ATG16L1: variants seen among roughly 807,000 people sequenced by gnomAD.
ATG16L1 encodes the protein autophagy related 16 like 1, also known as autophagy-related protein 16-1.
In ATG16L1, 37 loss-of-function variants were observed where a neutral mutation model predicts 88.5. The ratio of observed to expected loss-of-function variants is 0.42; its 90% CI spans 0.32 to 0.55. The LOEUF (loss-of-function observed/expected upper bound fraction) is 0.55. ATG16L1 is among the 20% of genes least tolerant of loss of function. The pLI is 0.13. For missense variants in ATG16L1, 554 were observed against 752.8 expected, an observed-to-expected ratio of 0.74 and a Z score of 3.09; for synonymous variants, 301 against 281.0, an observed-to-expected ratio of 1.07 and a Z score of -0.71.
At chr2:233,263,891 C>T (rs1304206476) in intron 3 of ATG16L1, 101 bp from the exon 4 acceptor site, 63 of 1,156,388 alleles carry the variant, frequency 5.4e-5, no homozygotes, top group Admixed American at 1.9e-5. Context: ...TGTCACCCAG[C>T]TCATTTATTC....
In ATG16L1 at chr2:233,256,117, A is replaced by G. The variant is rs776024119; in HGVS notation, c.131A>G (p.Glu44Gly). ...EIILQYNKLL[E>G]KSDLHSVLAQ... ...ATTTTAATAGATAACAAATTGCTGG[A>G]AAAGTCAGATCTTCATTCAGTGTTG... Residue 44 changes from glutamate to glycine, a missense_variant, in exon 2 of 18, where the codon GAA becomes GGA. Coordinates refer to ENST00000392017, the MANE Select transcript of ATG16L1 (RefSeq NM_030803.7). The G allele has an allele frequency of 6.2e-7, 1 of 1,613,880 alleles. No homozygotes were observed. The highest frequency in any genetic ancestry group is 8.5e-7 in the Non-Finnish European group (1 of 1,179,890).
chr2:233,272,667 CAA>C (rs1376840007), intron 6 of ATG16L1, among the ~76,000 whole-genome samples: 1 of 152,188 alleles, frequency 6.6e-6, no homozygotes, highest in Non-Finnish European at 1.5e-5. Context: ...GTTATAGACT[CAA>C]CAGATCATAT....
intron 7 of ATG16L1, chr2:233,273,488 A>G (rs1698128973): frequency 1.8e-6 from 1 of 542,802 alleles, no homozygotes; most frequent in Non-Finnish European, 3.2e-6. Flanking sequence ...TTTCCAGGGA[A>G]ATTAATTTAA....
intron 5 of ATG16L1, among the ~76,000 whole-genome samples, chr2:233,268,774 T>G (rs763110864): frequency 2.0e-5 from 3 of 152,212 alleles, no homozygotes; most frequent in Non-Finnish European, 1.5e-5. Context: ...CTTCCAGGTA[T>G]AAAATCAAGA....
Position 233,270,082 on chromosome 2 carries a change from A to G in ATG16L1, c.707+15A>G. 2 of 1,565,490 alleles carry G rather than the reference A, an allele frequency of 1.3e-6. No homozygotes were observed. The highest frequency in any genetic ancestry group is 1.2e-5 in the South Asian group (1 of 81,772). On this transcript the variant is annotated intron_variant, in intron 6 of 17. Transcript: ENST00000392017. ...CCAGTCGAACAGTAAGTAAAGATAA[A>G]TGAATCAAAACTGTGTTTCTGAAAA...
chr2:233,280,038 A>C (rs1448126496), intron 10 of ATG16L1, among the ~76,000 whole-genome samples: 1 of 152,226 alleles, frequency 6.6e-6, no homozygotes, highest in Non-Finnish European at 1.5e-5. Flanking sequence ...GAAAGCTAGG[A>C]TCCAGAAAAA....
intron 12 of ATG16L1, among the ~76,000 whole-genome samples, chr2:233,284,540 A>G (rs7595748): frequency 0.7 from 106,268 of 151,904 alleles, 37,443 homozygotes; most frequent in South Asian, 0.8. Flanking sequence ...CACCATGTTA[A>G]CCAGGACGTT....
At chr2:233,255,414 T>G (rs1487950801) in intron 1 of ATG16L1, among the ~76,000 whole-genome samples, 1 of 152,236 alleles carries the variant, frequency 6.6e-6, no homozygotes. Flanking sequence ...CACGTTAGCA[T>G]CCTCCGCCCA....
At chr2:233,270,183 C>A in intron 6 of ATG16L1, 116 bp downstream of exon 6, 2 of 911,522 alleles carry the variant, frequency 2.2e-6, no homozygotes, top group Non-Finnish European at 3.2e-6. Context: ...TGCTCTGTTG[C>A]CCAGGCTGGA....
At chr2:233,265,246 C>G in intron 5 of ATG16L1, 103 bp downstream of exon 5, 1 of 1,403,774 alleles carries the variant, frequency 7.1e-7, no homozygotes, top group South Asian at 1.4e-5. Flanking sequence ...AGGAGGTTTA[C>G]CAGGGAATTC....
intron 2 of ATG16L1, among the ~76,000 whole-genome samples, chr2:233,256,930 G>A (rs1388948006): frequency 6.6e-6 from 1 of 152,084 alleles, no homozygotes; most frequent in Non-Finnish European, 1.5e-5. Flanking sequence ...TCGAACTCTT[G>A]ACCTCAAATG....
chr2:233,282,580 A>T (rs143490297), intron 11 of ATG16L1, 102 bp from the exon 12 acceptor site: 22 of 1,048,002 alleles, frequency 2.1e-5, no homozygotes, highest in Non-Finnish European at 1.9e-5. Context: ...AGGGTGAAGC[A>T]TCTAAACCTT....
At chr2:233,257,781 T>A (rs1696897560) in intron 2 of ATG16L1, among the ~76,000 whole-genome samples, 1 of 151,916 alleles carries the variant, frequency 6.6e-6, no homozygotes, top group Admixed American at 6.6e-5. Flanking sequence ...CCAAGGCGGG[T>A]GGATCACAGG....
intron 2 of ATG16L1, among the ~76,000 whole-genome samples, chr2:233,260,520 G>A (rs774415166): frequency 6.6e-6 from 1 of 152,218 alleles, no homozygotes; most frequent in Non-Finnish European, 1.5e-5. Flanking sequence ...AGATGGCTGG[G>A]CCTTGCCAGG....
At chr2:233,278,475 C>G (rs2125262862) in intron 10 of ATG16L1, among the ~76,000 whole-genome samples, 1 of 152,306 alleles carries the variant, frequency 6.6e-6, no homozygotes, top group East Asian at 1.9e-4. Flanking sequence ...GTGATTTTGT[C>G]TGTTAATTCC....
chr2:233,274,248 G>A, intron 8 of ATG16L1: 2 of 562,340 alleles, frequency 3.6e-6, no homozygotes, highest in Admixed American at 3.2e-5. Context: ...CTTTCTTTTG[G>A]CATGCGTTAG....
At position 233,263,156 on chromosome 2, in the gene ATG16L1, A is replaced by G; in HGVS notation, c.236A>G (p.Asp79Gly). 1 of 1,614,136 alleles carries G rather than the reference A, an allele frequency of 6.2e-7. No individual in the cohort carries two copies. The highest frequency in any genetic ancestry group is 1.1e-5 in the South Asian group (1 of 91,058). ...ISPGHDGTWN[D>G]NQLQEMAQLR... is the part of the protein sequence containing the mutation. Reference sequence around the variant, plus strand: ...CCCGGACATGATGGCACATGGAATGACAATCAGCTACAAGAAATGGCCCAA... The same window carrying G: ...CCCGGACATGATGGCACATGGAATGGCAATCAGCTACAAGAAATGGCCCAA... Residue 79 changes from aspartate (D) to glycine (G), a missense_variant, in exon 3 of 18, where the codon GAC (aspartate) becomes GGC (glycine). Coordinates refer to ENST00000392017, the MANE Select transcript of ATG16L1 (RefSeq NM_030803.7).
At chr2:233,255,627 C>T (rs1314391174) in intron 1 of ATG16L1, among the ~76,000 whole-genome samples, 2 of 152,176 alleles carry the variant, frequency 1.3e-5, no homozygotes, top group Non-Finnish European at 2.9e-5. Context: ...CTGCATGGCC[C>T]ATCATCTTCT....
At chr2:233,271,159 T>C (rs1006989954) in intron 6 of ATG16L1, among the ~76,000 whole-genome samples, 4 of 152,208 alleles carry the variant, frequency 2.6e-5, no homozygotes, top group Admixed American at 2.0e-4. Flanking sequence ...AAAAGTGTCA[T>C]TTGCATAACC....
Sources: allele counts gnomAD v4.1 joint callset (sites outside exome capture counted in the v4.1 genomes callset), GRCh38; gene constraint gnomAD v4.1.1; transcripts MANE v1.5; gene names NCBI Gene and HGNC (gene_info 2026-07-23, HGNC 2026-07-21).